SEPTIN14: variants seen among roughly 807,000 people sequenced by gnomAD.
SEPTIN14 encodes the protein septin 14.
In SEPTIN14, 40 loss-of-function variants were observed where a neutral mutation model predicts 53.6. The ratio of observed to expected loss-of-function variants is 0.75; its 90% CI spans 0.58 to 0.97. The LOEUF is 0.97. Ranked by LOEUF, SEPTIN14 falls within the 50% of genes least tolerant of loss-of-function variation. The pLI is 0.00. For missense variants in SEPTIN14, 471 were observed against 508.2 expected, an observed-to-expected ratio of 0.93 and a Z score of 0.70; for synonymous variants, 138 against 166.8, an observed-to-expected ratio of 0.83 and a Z score of 1.33.
intron 7 of SEPTIN14, among the ~76,000 whole-genome samples, chr7:55,818,337 C>T (rs1584257177): frequency 2.6e-5 from 4 of 151,680 alleles, no homozygotes; most frequent in East Asian, 1.9e-4. Context: ...CCCGGTGTGG[C>T]GGCAAGCGCA....
intron 2 of SEPTIN14, among the ~76,000 whole-genome samples, chr7:55,849,192 G>A (rs549893682): frequency 6.6e-6 from 1 of 151,812 alleles, no homozygotes; most frequent in South Asian, 2.1e-4. Context: ...CGGCATGGTG[G>A]CAGGAGCCTG....
At chr7:55,827,046 T>C (rs1211044216) in intron 6 of SEPTIN14, among the ~76,000 whole-genome samples, 2 of 152,148 alleles carry the variant, frequency 1.3e-5, no homozygotes, top group Admixed American at 6.5e-5. Flanking sequence ...TGAGGACACA[T>C]ATGCCAGCCT....
At chr7:55,828,729 A>G (rs1789035532) in intron 6 of SEPTIN14, among the ~76,000 whole-genome samples, 3 of 152,074 alleles carry the variant, frequency 2.0e-5, no homozygotes, top group Admixed American at 2.0e-4. Flanking sequence ...TTTCCTTTAT[A>G]GGTGATTTGA....
intron 5 of SEPTIN14, among the ~76,000 whole-genome samples, chr7:55,838,194 G>A (rs1789243323): frequency 6.6e-6 from 1 of 152,162 alleles, no homozygotes; most frequent in African/African-American, 2.4e-5. Flanking sequence ...CCTATTGAAA[G>A]GAAGTCCTCG....
In SEPTIN14 at chr7:55,805,344, A is replaced by T; in HGVS notation, c.1033T>A (p.Cys345Ser). 1 of 1,603,638 alleles carries T rather than the reference A, an allele frequency of 6.2e-7. No homozygotes were observed. The highest frequency in any genetic ancestry group is 2.2e-5 in the East Asian group (1 of 44,642). ...TTCAACTCTTCTTCTTCCCTCTGACATTGATCATAGAACTCTTGTCTTTTG... is the reference window on the plus strand; with the variant it reads ...TTCAACTCTTCTTCTTCCCTCTGACTTTGATCATAGAACTCTTGTCTTTTG... ...EAKRQEFYDQ[C>S]QREEEELKQR... Residue 345 changes from cysteine to serine, a missense_variant, in exon 9 of 10, where the codon TGT (cysteine) becomes AGT (serine). Physicochemically the swap from Cys to Ser is moderately radical, Grantham distance 112. Transcript: ENST00000388975.
rs757904248 is a variant in SEPTIN14 at position 55,793,970 on chromosome 7, G to A, written c.*1943C>T. ...GGAAACTCTATTTCACATGAAACTGGAGCTGAAAGAGACAAATATTTACTT... is the reference window on the plus strand; with the variant it reads ...GGAAACTCTATTTCACATGAAACTGAAGCTGAAAGAGACAAATATTTACTT... On this transcript the variant is annotated 3_prime_UTR_variant, in exon 10 of 10. Coordinates refer to ENST00000388975, the MANE Select transcript of SEPTIN14 (RefSeq NM_207366.3). The A allele has an allele frequency of 2.0e-5, 3 of 151,960 alleles. No homozygotes were observed. The highest frequency in any genetic ancestry group is 6.6e-5 in the Admixed American group (1 of 15,244). The allele number at this position is 151,960 out of a possible 1,614,324, so 9.4% of individuals were successfully genotyped here.
rs1788380911 is a variant in SEPTIN14 at position 55,793,819 on chromosome 7, G to C, written c.*2094C>G. On this transcript the variant is annotated 3_prime_UTR_variant, in exon 10 of 10. Transcript: ENST00000388975. ...ACATAGAATATACACAAAAGGAAAT[G>C]AGAATAGAAACAAAACTTGTCACTA... is the stretch of plus-strand genomic sequence containing the variant. 6.6e-6 allele frequency: 1 copy of C among 151,922 alleles called. No homozygotes were observed. The highest frequency in any genetic ancestry group is 1.5e-5 in the Non-Finnish European group (1 of 67,940). The allele number at this position is 151,922 out of a possible 1,614,324, so 9.4% of individuals were successfully genotyped here. A position where few individuals can be genotyped will look rare whatever the true frequency, so the allele number is the denominator to read the frequency against.
intron 5 of SEPTIN14, among the ~76,000 whole-genome samples, chr7:55,839,789 C>T (rs1789275563): frequency 6.6e-6 from 1 of 152,102 alleles, no homozygotes; most frequent in African/African-American, 2.4e-5. Flanking sequence ...GTTGAAGCCT[C>T]AACCCCCCAG....
At chr7:55,801,420 A>C (rs1038810655) in intron 9 of SEPTIN14, among the ~76,000 whole-genome samples, 1 of 152,180 alleles carries the variant, frequency 6.6e-6, no homozygotes, top group Non-Finnish European at 1.5e-5. Flanking sequence ...ATAAGCCAAC[A>C]AAATTTGATA....
intron 3 of SEPTIN14, among the ~76,000 whole-genome samples, chr7:55,845,873 C>A (rs1246078601): frequency 6.7e-6 from 1 of 149,350 alleles, no homozygotes; most frequent in Non-Finnish European, 1.5e-5. Context: ...CATGGTGAAA[C>A]CCCGTCTGTA....
At chr7:55,818,456 G>A (rs1738170944) in intron 7 of SEPTIN14, among the ~76,000 whole-genome samples, 1 of 124,018 alleles carries the variant, frequency 8.1e-6, no homozygotes, top group Admixed American at 9.7e-5. Context: ...TGGGCAACAC[G>A]AGTGAAACTC....
At chr7:55,819,372 G>A in intron 6 of SEPTIN14, 149 bp from the exon 7 acceptor site, 3 of 621,198 alleles carry the variant, frequency 4.8e-6, no homozygotes, top group Middle Eastern at 4.2e-4. Context: ...GGCGGATCAT[G>A]AGGTCAGGAG....
intron 6 of SEPTIN14, among the ~76,000 whole-genome samples, chr7:55,821,952 G>A (rs1306855256): frequency 2.0e-5 from 3 of 152,166 alleles, no homozygotes; most frequent in Admixed American, 6.5e-5. Flanking sequence ...GGTGGGAAGT[G>A]AAAGGCACTT....
intron 4 of SEPTIN14, among the ~76,000 whole-genome samples, chr7:55,843,341 A>G (rs1361521786): frequency 1.3e-5 from 2 of 152,202 alleles, no homozygotes; most frequent in Non-Finnish European, 2.9e-5. Context: ...CATAGAGGAA[A>G]GCTGGGTGCA....
chr7:55,799,442 C>T (rs1788487580), intron 9 of SEPTIN14, among the ~76,000 whole-genome samples: 1 of 141,876 alleles, frequency 7.0e-6, no homozygotes, highest in African/African-American at 2.7e-5. Context: ...CTCTTGAGTC[C>T]AGGAGGTAGA....
intron 7 of SEPTIN14, among the ~76,000 whole-genome samples, chr7:55,813,141 G>C (rs556346674): frequency 6.6e-6 from 1 of 152,032 alleles, no homozygotes; most frequent in East Asian, 1.9e-4. Flanking sequence ...GTAGAGACAG[G>C]GTTTCACCAT....
At chr7:55,832,202 A>AACACAC (rs112349116) in intron 6 of SEPTIN14, among the ~76,000 whole-genome samples, 41 of 145,102 alleles carry the variant, frequency 2.8e-4, no homozygotes, top group African/African-American at 9.7e-4. Flanking sequence ...CTCTGTCTCA[A>AACACAC]ACACACACAC....
intron 5 of SEPTIN14, among the ~76,000 whole-genome samples, chr7:55,838,574 TCTCTTTCG>T (rs1178883095): frequency 2.2e-5 from 3 of 133,344 alleles, no homozygotes; most frequent in South Asian, 2.7e-4. Flanking sequence ...TCTCTCTTTC[TCTCTTTCG>T]CTCTCTTTTC....
chr7:55,854,392 CAG>C lies in SEPTIN14; in HGVS notation c.54+7549_54+7550del, dbSNP rs374007082. 2.8e-3 allele frequency among the ~76,000 whole-genome samples: 425 copies of C among 152,018 alleles called. 9 individuals are homozygous for C. The South Asian group carries it at 0.037, about 13-fold the overall frequency. Reference sequence around the variant, plus strand: ...TTTCTTCACAAGATTGAAAATAAAGCAGAGATGTCAGCTGTTGCCATTTTATA... The same window carrying C: ...TTTCTTCACAAGATTGAAAATAAAGCAGATGTCAGCTGTTGCCATTTTATA... On this transcript the variant is annotated intron_variant, in intron 2 of 9. Coordinates refer to ENST00000388975, the MANE Select transcript of SEPTIN14 (RefSeq NM_207366.3).
Sources: gnomAD v4.1 joint callset for allele counts (sites outside exome capture counted in the v4.1 genomes callset) on GRCh38, gnomAD v4.1.1 for gene constraint, MANE v1.5 for transcripts, NCBI Gene and HGNC (gene_info 2026-07-23, HGNC 2026-07-21) for gene names.